Variants in MMP20 observed in about 807,000 individuals in gnomAD.
MMP20 encodes matrix metalloproteinase-20.
MMP20 carries 50 observed loss-of-function variants against 51.8 expected under a neutral mutation model. The observed-to-expected ratio is 0.97, with a 90% CI of 0.77 to 1.22. MMP20 has a LOEUF of 1.22. Ranked by LOEUF, MMP20 falls within the 50% of genes most tolerant of loss-of-function variation. MMP20 has a pLI of 0.00. For synonymous variants in MMP20, 244 were observed against 216.2 expected (o/e 1.13, Z -1.13); for missense variants, 663 against 601.4 (o/e 1.10, Z -1.07).
Position 102,579,057 on chromosome 11 carries a change from C to T in MMP20, c.1333G>A (p.Ala445Thr), listed in dbSNP as rs770947736. The T allele has an allele frequency of 5.6e-6, 9 of 1,611,110 alleles. No individual in the cohort carries two copies. The Admixed American group carries it at 1.2e-4, about 21-fold the overall frequency. ...EFSGVNGQID[A>T]AVELNGYIYF... ...CACTTACCATTTAATTCTACAGCAG[C>T]ATCGATTTGGCCATTTACTCCTGAA... The change falls in exon 9 of 10, where the codon GCT becomes ACT. Residue 445 changes from alanine (A) to threonine (T), a missense_variant. Physicochemically the swap from Ala to Thr is moderately conservative, Grantham distance 58. Transcript: ENST00000260228.
At chr11:102,612,420 G>A (rs17093624) in intron 2 of MMP20, among the ~76,000 whole-genome samples, 9,066 of 152,182 alleles carry the variant, frequency 0.06, 347 homozygotes, top group Non-Finnish European at 0.072. Context: ...AGCCAAGATC[G>A]GGCGACTGCA....
chr11:102,597,589 C>T (rs1214771330), intron 6 of MMP20, among the ~76,000 whole-genome samples: 2 of 152,150 alleles, frequency 1.3e-5, no homozygotes, highest in African/African-American at 2.4e-5. Context: ...TGCCACTAAA[C>T]ATCCTAATGC....
At chr11:102,591,529 A>G (rs1382878189) in intron 8 of MMP20, among the ~76,000 whole-genome samples, 1 of 151,566 alleles carries the variant, frequency 6.6e-6, no homozygotes, top group Non-Finnish European at 1.5e-5. Flanking sequence ...CTTGCTAGGT[A>G]TCTGTGTCTG....
At chr11:102,579,611 G>T (rs992283532) in intron 8 of MMP20, among the ~76,000 whole-genome samples, 1 of 152,166 alleles carries the variant, frequency 6.6e-6, no homozygotes, top group African/African-American at 2.4e-5. Flanking sequence ...ACTGGGCCTG[G>T]CCCTTGTTGT....
At chr11:102,585,154 T>C (rs1028896877) in intron 8 of MMP20, among the ~76,000 whole-genome samples, 4 of 152,134 alleles carry the variant, frequency 2.6e-5, no homozygotes, top group African/African-American at 9.7e-5. Context: ...AAGAAACCAG[T>C]GGTATTCTGA....
intron 8 of MMP20, among the ~76,000 whole-genome samples, chr11:102,592,370 G>C (rs1859327773): frequency 1.3e-5 from 2 of 152,294 alleles, no homozygotes; most frequent in African/African-American, 4.8e-5. Context: ...GCCCAGAAGA[G>C]TCAGCAGAGT....
At position 102,616,915 on chromosome 11, in the gene MMP20, T is replaced by C; in HGVS notation, c.271A>G (p.Thr91Ala). Reference protein sequence around the residue: ...LQVTGKLDQTTMNVIKKPRCG... With the variant: ...LQVTGKLDQTAMNVIKKPRCG... The stretch of plus-strand genomic sequence containing the variant: ...CGAGGCTTCTTGATCACGTTCATTG[T>C]GGTCTGGTCTAACTTCCCGGTGACT... The change falls in exon 2 of 10, where the codon ACA (threonine) becomes GCA (alanine). Residue 91 changes from threonine (T) to alanine (A), a missense_variant. By Grantham distance (58) the Thr-to-Ala change is moderately conservative. Coordinates refer to ENST00000260228, the MANE Select transcript of MMP20 (RefSeq NM_004771.4). The C allele has an allele frequency of 6.2e-7, 1 of 1,614,214 alleles. No homozygotes were observed. The highest frequency in any genetic ancestry group is 8.5e-7 in the Non-Finnish European group (1 of 1,180,036).
chr11:102,618,572 A>G (rs1469065651), intron 1 of MMP20, among the ~76,000 whole-genome samples: 1 of 152,012 alleles, frequency 6.6e-6, no homozygotes. Context: ...ATTTAATGGT[A>G]TGAAAGAATG....
chr11:102,609,381 G>A (rs1001928504), intron 4 of MMP20, among the ~76,000 whole-genome samples: 1 of 152,098 alleles, frequency 6.6e-6, no homozygotes, highest in Non-Finnish European at 1.5e-5. Context: ...GCAGAGCCTT[G>A]GAACAAATAG....
intron 7 of MMP20, among the ~76,000 whole-genome samples, 164 bp downstream of exon 7, chr11:102,594,457 C>T (rs1470899379): frequency 1.3e-5 from 2 of 152,242 alleles, no homozygotes; most frequent in South Asian, 2.1e-4. Context: ...TACACAATGT[C>T]GGGTATAACA....
intron 8 of MMP20, among the ~76,000 whole-genome samples, chr11:102,584,350 G>A (rs562284877): frequency 8.0e-4 from 121 of 152,180 alleles, no homozygotes; most frequent in Non-Finnish European, 1.3e-3. Flanking sequence ...ATTTCACTGC[G>A]GGTTTCATTT....
At chr11:102,588,570 A>G (rs1049092442) in intron 8 of MMP20, among the ~76,000 whole-genome samples, 3 of 152,212 alleles carry the variant, frequency 2.0e-5, no homozygotes, top group East Asian at 1.9e-4. Context: ...ATACAATTAT[A>G]CAATTATATG....
chr11:102,602,005 A>C (rs1859452162), intron 6 of MMP20, among the ~76,000 whole-genome samples: 1 of 143,714 alleles, frequency 7.0e-6, no homozygotes, highest in African/African-American at 2.6e-5. Context: ...GCTGGAGTGC[A>C]GTGGCGCGAT....
intron 2 of MMP20, 73 bp from the exon 3 acceptor site, chr11:102,611,976 C>CA: frequency 7.2e-7 from 1 of 1,397,626 alleles, no homozygotes; most frequent in Non-Finnish European, 1.0e-6. Flanking sequence ...ATGTTGTATT[C>CA]AAAAAATGTT....
intron 6 of MMP20, among the ~76,000 whole-genome samples, chr11:102,601,586 T>C (rs574936785): frequency 3.3e-5 from 5 of 152,326 alleles, no homozygotes; most frequent in Non-Finnish European, 5.9e-5. Context: ...TCTTTAAATG[T>C]CTCCTTTATG....
intron 6 of MMP20, among the ~76,000 whole-genome samples, chr11:102,601,951 C>CTTTTTT (rs11367730): frequency 1.6e-5 from 2 of 122,886 alleles, no homozygotes; most frequent in African/African-American, 6.0e-5. Context: ...TTCTTTCTTT[C>CTTTTTT]TTTTTTTTTT....
In MMP20 at chr11:102,602,116, ATTTTTTTTTTTTT is replaced by A. The variant is rs10593493; in HGVS notation, c.953+4406_953+4418del. Among the ~76,000 whole-genome samples the A allele has an allele frequency of 2.9e-4, 32 of 109,658 alleles. 2 individuals are homozygous for A. The highest frequency in any genetic ancestry group is 3.9e-4 in the Admixed American group (4 of 10,166). The allele number at this position is 109,658 out of a possible 152,430, so 71.9% of individuals were successfully genotyped here. On this transcript the variant is annotated intron_variant, in intron 6 of 9. Coordinates refer to ENST00000260228, the MANE Select transcript of MMP20 (RefSeq NM_004771.4). The stretch of plus-strand genomic sequence containing the variant: ...AGGCGCCCACCACCACGCCCGGCTA[ATTTTTTTTTTTTT>A]TTTTTTTTTTTTGTATTTTTAGTAG...
chr11:102,577,555 G>C, intron 9 of MMP20, 129 bp from the exon 10 acceptor site: 2 of 714,448 alleles, frequency 2.8e-6, no homozygotes, highest in Non-Finnish European at 5.0e-6. Context: ...GTGGCAGTTA[G>C]CTTGTCTTCT....
At chr11:102,621,106 G>A (rs977976966) in intron 1 of MMP20, among the ~76,000 whole-genome samples, 1 of 152,220 alleles carries the variant, frequency 6.6e-6, no homozygotes, top group Non-Finnish European at 1.5e-5. Flanking sequence ...CCGCCTGCAA[G>A]ATGGATACCT....
Sources: gnomAD v4.1 joint callset for allele counts (sites outside exome capture counted in the v4.1 genomes callset) on GRCh38, gnomAD v4.1.1 for gene constraint, MANE v1.5 for transcripts, NCBI Gene and HGNC (gene_info 2026-07-23, HGNC 2026-07-21) for gene names.